NCKAP5L: variants seen among roughly 807,000 people sequenced by gnomAD.
The protein encoded by NCKAP5L is NCK associated protein 5 like, also known as nck-associated protein 5-like.
A neutral mutation model predicts 103.2 loss-of-function variants in NCKAP5L; 54 were observed. That is an observed-to-expected ratio of 0.52 (90% CI 0.42 to 0.66). The LOEUF (loss-of-function observed/expected upper bound fraction) is 0.66. Ranked by LOEUF, NCKAP5L falls within the 30% of genes least tolerant of loss-of-function variation. The probability of loss-of-function intolerance (pLI) is 0.00; values close to 1 mark genes in which losing one functional copy is unlikely to be tolerated. For synonymous variants in NCKAP5L, 762 were observed against 748.6 expected (o/e 1.02, Z -0.29); for missense variants, 1,733 against 1,750.6 (o/e 0.99, Z 0.18).
At chr12:49,807,975 G>A (rs1368190037) in intron 1 of NCKAP5L, among the ~76,000 whole-genome samples, 2 of 152,228 alleles carry the variant, frequency 1.3e-5, no homozygotes, top group African/African-American at 2.4e-5. Flanking sequence ...TAAGATTTGT[G>A]TTCTTCACAA....
At chr12:49,814,357 G>A (rs1449910721) in intron 1 of NCKAP5L, among the ~76,000 whole-genome samples, 1 of 150,930 alleles carries the variant, frequency 6.6e-6, no homozygotes, top group African/African-American at 2.4e-5. Context: ...GGTGGTGTGC[G>A]CCTGTAATCC....
intron 1 of NCKAP5L, among the ~76,000 whole-genome samples, chr12:49,827,048 T>C (rs1946424692): frequency 6.6e-6 from 1 of 152,136 alleles, no homozygotes; most frequent in South Asian, 2.1e-4. Flanking sequence ...GGGGGACCAA[T>C]TTGAGAAGTG....
chr12:49,797,145 G>A lies in NCKAP5L; in HGVS notation c.715C>T (p.Pro239Ser). 1 of 1,608,424 alleles carries A rather than the reference G, an allele frequency of 6.2e-7. No homozygotes were observed. Among genetic ancestry groups the A allele is most frequent in the Non-Finnish European group, 8.5e-7 (1 of 1,177,804 alleles). The change falls in exon 8 of 13, where the codon CCC becomes TCC. Residue 239 changes from proline to serine, a missense_variant. Coordinates refer to ENST00000335999, the MANE Select transcript of NCKAP5L (RefSeq NM_001037806.4). The surrounding 1 kb of genome is among the most constrained non-coding windows in gnomAD (Gnocchi z 4.5). Reference protein sequence around the residue: ...LCGPPQPEPSPWAPCLLLGPG... With the variant: ...LCGPPQPEPSSWAPCLLLGPG... ...CCTAGCAGCAGGCAGGGCGCCCAGG[G>A]TGAGGGTTCAGGCTGAGGCGGGCCA...
chr12:49,794,117 G>A (rs1230754026), intron 8 of NCKAP5L, among the ~76,000 whole-genome samples: 1 of 152,200 alleles, frequency 6.6e-6, no homozygotes, highest in Non-Finnish European at 1.5e-5. Flanking sequence ...GGGAGAAGAT[G>A]GGAGAACTCC....
chr12:49,793,277 CGGGAAGAAGTAAAGT>C, intron 10 of NCKAP5L, 60 bp downstream of exon 10: 1 of 1,437,780 alleles, frequency 7.0e-7, no homozygotes, highest in Non-Finnish European at 9.6e-7. Flanking sequence ...GCTGCGGGGA[CGGGAAGAAGTAAAGT>C]GGGAAGAAGT....
chr12:49,827,569 G>C (rs996113746), intron 1 of NCKAP5L, among the ~76,000 whole-genome samples: 1 of 152,252 alleles, frequency 6.6e-6, no homozygotes, highest in Non-Finnish European at 1.5e-5. Context: ...AGCCAGGGAA[G>C]CGTCGGGCAC....
intron 2 of NCKAP5L, chr12:49,805,042 A>AG (rs1169040688): frequency 6.6e-6 from 1 of 152,282 alleles, no homozygotes; most frequent in African/African-American, 2.4e-5. Context: ...GGCAGGAGCT[A>AG]GGCCCCGTCA....
intron 1 of NCKAP5L, among the ~76,000 whole-genome samples, chr12:49,827,821 G>C (rs1378197256): frequency 1.3e-5 from 2 of 152,236 alleles, no homozygotes. Context: ...TACCGCCCCA[G>C]GCCACGGGGA....
At chr12:49,811,140 T>C (rs542212367) in intron 1 of NCKAP5L, among the ~76,000 whole-genome samples, 1 of 152,284 alleles carries the variant, frequency 6.6e-6, no homozygotes, top group Admixed American at 6.5e-5. Flanking sequence ...TTGCGTATTC[T>C]AGGACAATGC....
At chr12:49,799,202 CTCAT>C (rs1248504428) in intron 6 of NCKAP5L, among the ~76,000 whole-genome samples, 1 of 152,188 alleles carries the variant, frequency 6.6e-6, no homozygotes, top group African/African-American at 2.4e-5. Flanking sequence ...TACTCAGCAT[CTCAT>C]TCAGTCTCCT....
In NCKAP5L at chr12:49,794,946, TC is replaced by T; in HGVS notation, c.2913del (p.Met972TrpfsTer18). On this transcript the variant is annotated frameshift_variant, in exon 8 of 13. Transcript: ENST00000335999. LOFTEE classifies it high-confidence loss of function. ...CGACGCAGGTCTTCCGCCTTGGCCA[TC>T]AGCTTGGAGATGTTGAGGCTCTCGG... ...LEAESLNISK[L>X]MAKAEDLRRA... is the part of the protein sequence containing the mutation. The T allele has an allele frequency of 1.3e-6, 2 of 1,577,818 alleles. No homozygotes were observed. The highest frequency in any genetic ancestry group is 1.7e-6 in the Non-Finnish European group (2 of 1,162,812).
chr12:49,819,759 G>C (rs1565596904), intron 1 of NCKAP5L, among the ~76,000 whole-genome samples: 1 of 152,228 alleles, frequency 6.6e-6, no homozygotes. Flanking sequence ...TCCATAAGAG[G>C]AGTCTTTTGA....
chr12:49,797,257 G>C lies in NCKAP5L; in HGVS notation c.603C>G (p.Asp201Glu), dbSNP rs1416677424. 1.2e-6 allele frequency: 2 copies of C among 1,613,462 alleles called. No individual in the cohort carries two copies. The highest frequency in any genetic ancestry group is 1.7e-6 in the Non-Finnish European group (2 of 1,179,844). The change falls in exon 8 of 13, where the codon GAC (aspartate) becomes GAG (glutamate). Residue 201 changes from aspartate (D) to glutamate (E), a missense_variant. Coordinates refer to ENST00000335999, the MANE Select transcript of NCKAP5L (RefSeq NM_001037806.4). The surrounding 1 kb of genome is among the most constrained non-coding windows in gnomAD (Gnocchi z 4.5). ...TGGCAGGTGAGCAGAGAAGCAAGGGGTCAGTCTCTTCCAGGGCTCTCAGCA... is the reference window on the plus strand; with the variant it reads ...TGGCAGGTGAGCAGAGAAGCAAGGGCTCAGTCTCTTCCAGGGCTCTCAGCA... Reference protein sequence around the residue: ...LEVLRALEETDPLLLCSPATP... With the variant: ...LEVLRALEETEPLLLCSPATP...
intron 5 of NCKAP5L, 48 bp from the exon 6 acceptor site, chr12:49,802,015 G>A: frequency 6.2e-7 from 1 of 1,606,504 alleles, no homozygotes; most frequent in Non-Finnish European, 8.5e-7. Flanking sequence ...AGGATGGTGG[G>A]AGAGTGTCAC....
Position 49,795,646 on chromosome 12 carries a change from C to T in NCKAP5L, c.2214G>A (p.Gln738=). 1 of 1,611,054 alleles carries T rather than the reference C, an allele frequency of 6.2e-7. No individual in the cohort carries two copies. The highest frequency in any genetic ancestry group is 8.5e-7 in the Non-Finnish European group (1 of 1,178,640). Residue 738 remains glutamine (Q), a synonymous_variant, in exon 8 of 13, where the codon CAG becomes CAA. Transcript: ENST00000335999. ...AVALGTNSLK[Q]QEPGLMGDPG... ...GATCCCCCATAAGTCCAGGTTCCTGCTGCTTCAGGCTGTTTGTGCCCAAGG... is the reference window on the plus strand; with the variant it reads ...GATCCCCCATAAGTCCAGGTTCCTGTTGCTTCAGGCTGTTTGTGCCCAAGG...
chr12:49,793,903 G>A lies in NCKAP5L; in HGVS notation c.3096-7C>T, dbSNP rs1316247864. On this transcript the variant is annotated splice_polypyrimidine_tract_variant and splice_region_variant and intron_variant, in intron 8 of 12. Transcript: ENST00000335999. Reference sequence around the variant, plus strand: ...CAGCTCCTTGCCATCCACCCTATGGGCAACAGTGCAGATATAGGTGAGGGT... The same window carrying A: ...CAGCTCCTTGCCATCCACCCTATGGACAACAGTGCAGATATAGGTGAGGGT... The A allele has an allele frequency of 2.6e-6, 4 of 1,529,632 alleles. No homozygotes were observed. The South Asian group carries it at 3.8e-5, about 15-fold the overall frequency. 94.8% of individuals were successfully genotyped at this position (1,529,632 alleles called of 1,614,324 possible).
rs1266260198 is a variant in NCKAP5L, at chr12:49,793,374, T to C, written c.3318A>G (p.Pro1106=). Reference sequence around the variant, plus strand: ...GACCTGTGAAGTGTGAGGTGGGCACTGGCTCGGCCAGGCTGTCCTCCGAGG... The same window carrying C: ...GACCTGTGAAGTGTGAGGTGGGCACCGGCTCGGCCAGGCTGTCCTCCGAGG... ...EMPSEDSLAE[P]VPTSHFTACG... The change falls in exon 10 of 13, where the codon CCA becomes CCG. Residue 1106 remains proline (P), a synonymous_variant. Transcript: ENST00000335999. 3 of 1,608,094 alleles carry C rather than the reference T, an allele frequency of 1.9e-6. No individual in the cohort carries two copies. In the Admixed American group the frequency reaches 5.0e-5, roughly 27 times the overall value.
Position 49,793,773 on chromosome 12 carries a change from C to T in NCKAP5L, c.3219G>A (p.Leu1073=), listed in dbSNP as rs1211890800. ...TTCCGCAGCCCTGAAGAGGGCCCAC[C>T]AGGCCATTCCGGGGCCCACAGGCTG... ...PWPACGPRNG[L]VGPLQGCGKP... The change falls in exon 9 of 13, where the codon CTG becomes CTA. Residue 1073 remains leucine, a synonymous_variant. Coordinates refer to ENST00000335999, the MANE Select transcript of NCKAP5L (RefSeq NM_001037806.4). 6.2e-7 allele frequency: 1 copy of T among 1,602,346 alleles called. No homozygotes were observed. Among genetic ancestry groups the T allele is most frequent in the South Asian group, 1.1e-5 (1 of 89,200 alleles).
chr12:49,795,572 A>G lies in NCKAP5L; in HGVS notation c.2288T>C (p.Leu763Pro), dbSNP rs762691438. 6.5e-7 allele frequency: 1 copy of G among 1,547,756 alleles called. No homozygotes were observed. Among genetic ancestry groups the G allele is most frequent in the Non-Finnish European group, 8.7e-7 (1 of 1,150,850 alleles). ...SSHSMGARVDLEPVSPRSCLT... is the reference protein window; with the variant it reads ...SSHSMGARVDPEPVSPRSCLT... ...GCAGCTCCTTGGTGAGACAGGCTCC[A>G]GGTCCACCCGGGCCCCCATGGAGTG... The change falls in exon 8 of 13, where the codon CTG becomes CCG. Residue 763 changes from leucine (L) to proline (P), a missense_variant. Leu to Pro is a moderately conservative substitution (Grantham distance 98). Coordinates refer to ENST00000335999, the MANE Select transcript of NCKAP5L (RefSeq NM_001037806.4).
Sources: allele counts gnomAD v4.1 joint callset (sites outside exome capture counted in the v4.1 genomes callset), GRCh38; gene constraint gnomAD v4.1.1; non-coding constraint Gnocchi (gnomAD v3.1); transcripts MANE v1.5; gene names NCBI Gene and HGNC (gene_info 2026-07-23, HGNC 2026-07-21).